Variants in INSL6 observed in about 807,000 individuals in gnomAD.
INSL6 encodes insulin-like peptide INSL6.
Under a neutral mutation model 9.4 loss-of-function variants are expected in INSL6, and 16 were observed. The observed-to-expected ratio is 1.70, with a 90% confidence interval of 1.15 to 2.59. INSL6 has a LOEUF of 2.59. Among genes scored for constraint, INSL6 ranks in the 30% most tolerant of loss-of-function variants. The probability of loss-of-function intolerance (pLI) is 0.00; values close to 1 mark genes in which losing one functional copy is unlikely to be tolerated. For missense variants in INSL6, 391 were observed against 257.3 expected, an observed-to-expected ratio of 1.52 and a Z score of -3.56; for synonymous variants, 154 against 96.9, an observed-to-expected ratio of 1.59 and a Z score of -3.46.
At chr9:5,080,202 C>G in the INSL6 span, 1 of 1,561,386 alleles carries the variant, frequency 6.4e-7, no homozygotes, top group East Asian at 2.3e-5. Context: ...AATTATTTAA[C>G]CCTACTCTGT....
the INSL6 span, among the ~76,000 whole-genome samples, chr9:5,118,206 C>G: frequency 6.6e-6 from 1 of 152,080 alleles, no homozygotes; most frequent in Non-Finnish European, 1.5e-5. Flanking sequence ...CACTTATCAC[C>G]CACTTAAAAA....
At chr9:5,153,787 G>A (rs1032124092) in intron 2 of INSL6, among the ~76,000 whole-genome samples, 1 of 152,164 alleles carries the variant, frequency 6.6e-6, no homozygotes, top group Non-Finnish European at 1.5e-5. Flanking sequence ...ACCTCTTCAA[G>A]GAGAACTACA....
At chr9:5,135,324 AC>A (rs1210209942) in intron 2 of INSL6, among the ~76,000 whole-genome samples, 2 of 151,986 alleles carry the variant, frequency 1.3e-5, no homozygotes, top group Admixed American at 6.6e-5. Context: ...TCAGCTCTGG[AC>A]CAAGCAGACC....
At chr9:5,080,121 A>T in the INSL6 span, 1 of 896,132 alleles carries the variant, frequency 1.1e-6, no homozygotes, top group Non-Finnish European at 1.7e-6. Context: ...CAAAATAAAG[A>T]AAATAGGCCT....
the INSL6 span, among the ~76,000 whole-genome samples, chr9:5,102,898 T>G: frequency 6.6e-6 from 1 of 152,066 alleles, no homozygotes; most frequent in Admixed American, 6.6e-5. Context: ...AAGGAAGCAC[T>G]AAACATGGAA....
At chr9:5,150,382 C>G (rs908532080) in intron 2 of INSL6, among the ~76,000 whole-genome samples, 11 of 151,988 alleles carry the variant, frequency 7.2e-5, no homozygotes, top group African/African-American at 2.7e-4. Context: ...ACAAGGAACT[C>G]AAACAATTCA....
At chr9:5,085,885 T>G in the INSL6 span, 31 of 807,092 alleles carry the variant, frequency 3.8e-5, no homozygotes, top group Non-Finnish European at 6.7e-5. Flanking sequence ...GTTGTTGATA[T>G]GAGCGGTTCC....
chr9:5,074,377 C>T, the INSL6 span, among the ~76,000 whole-genome samples: 1 of 152,116 alleles, frequency 6.6e-6, no homozygotes, highest in African/African-American at 2.4e-5. Flanking sequence ...CAGTGTCTAG[C>T]AACTCTGTCA....
intron 1 of INSL6, among the ~76,000 whole-genome samples, chr9:5,167,544 C>A (rs1447439537): frequency 6.6e-6 from 1 of 152,244 alleles, no homozygotes; most frequent in African/African-American, 2.4e-5. Flanking sequence ...TCCATTCCCC[C>A]TCACGGAGCA....
At chr9:5,111,813 C>T in the INSL6 span, 6 of 420,764 alleles carry the variant, frequency 1.4e-5, no homozygotes, top group East Asian at 1.9e-4. Context: ...GCCACGTAGG[C>T]GGCGTCTCCA....
chr9:5,002,492 A>G, the INSL6 span, among the ~76,000 whole-genome samples: 3 of 152,146 alleles, frequency 2.0e-5, no homozygotes, highest in East Asian at 3.8e-4. Flanking sequence ...GGCCAAGAAT[A>G]TAATTCATAT....
chr9:5,030,485 C>CAT, the INSL6 span, among the ~76,000 whole-genome samples: 258 of 152,002 alleles, frequency 1.7e-3, no homozygotes, highest in Non-Finnish European at 2.1e-3. Context: ...CATTTATATA[C>CAT]ATATATATAT....
At chr9:5,168,082 C>T (rs1825094884) in intron 1 of INSL6, among the ~76,000 whole-genome samples, 1 of 152,094 alleles carries the variant, frequency 6.6e-6, no homozygotes, top group African/African-American at 2.4e-5. Context: ...GGTCATTGGC[C>T]TCAAAGATCA....
the INSL6 span, among the ~76,000 whole-genome samples, chr9:5,093,624 ACCT>A: frequency 1.3e-5 from 2 of 152,112 alleles, no homozygotes; most frequent in Admixed American, 1.3e-4. Context: ...GGTTGGGGTG[ACCT>A]CATAGCATAT....
At chr9:5,106,066 A>C in the INSL6 span, among the ~76,000 whole-genome samples, 1 of 152,246 alleles carries the variant, frequency 6.6e-6, no homozygotes, top group Non-Finnish European at 1.5e-5. Flanking sequence ...GACAGATGGG[A>C]TCTAATTCAA....
At chr9:5,097,102 A>G in the INSL6 span, 1 of 152,074 alleles carries the variant, frequency 6.6e-6, no homozygotes, top group Non-Finnish European at 1.5e-5. Context: ...GGGTCTTACC[A>G]TCTTCTCACT....
At chr9:5,057,196 T>C in the INSL6 span, among the ~76,000 whole-genome samples, 2 of 151,840 alleles carry the variant, frequency 1.3e-5, no homozygotes, top group Non-Finnish European at 2.9e-5. Flanking sequence ...ATTCATGATA[T>C]GTTATGCTTT....
At chr9:5,151,232 T>C (rs1235912428) in intron 2 of INSL6, among the ~76,000 whole-genome samples, 1 of 151,990 alleles carries the variant, frequency 6.6e-6, no homozygotes, top group Admixed American at 6.6e-5. Flanking sequence ...CAAATCAATA[T>C]TAACAATTAC....
chr9:5,096,517 G>C, the INSL6 span: 2 of 152,280 alleles, frequency 1.3e-5, no homozygotes, highest in African/African-American at 4.8e-5. Context: ...GTGGTAGGCC[G>C]GAGAAGCCCT....
Sources: allele counts gnomAD v4.1 joint callset (sites outside exome capture counted in the v4.1 genomes callset), GRCh38; gene constraint gnomAD v4.1.1; transcripts MANE v1.5; gene names NCBI Gene and HGNC (gene_info 2026-07-23, HGNC 2026-07-21).